The following ERBB2 variants were observed in gnomAD, a reference collection of about 807,000 sequenced individuals.
ERBB2 encodes receptor tyrosine-protein kinase erbB-2.
A neutral mutation model predicts 149.0 loss-of-function variants in ERBB2; 61 were observed. The ratio of observed to expected loss-of-function variants is 0.41; its 90% CI spans 0.33 to 0.51. ERBB2 has a LOEUF of 0.51. Ranked by LOEUF, ERBB2 falls within the 20% of genes least tolerant of loss-of-function variation. The probability of loss-of-function intolerance (pLI) is 0.25; values close to 1 mark genes in which losing one functional copy is unlikely to be tolerated. For missense variants in ERBB2, 1,205 were observed against 1,655.1 expected, an observed-to-expected ratio of 0.73 and a Z score of 4.72; for synonymous variants, 633 against 678.8, an observed-to-expected ratio of 0.93 and a Z score of 1.05.
intron 15 of ERBB2, among the ~76,000 whole-genome samples, chr17:39,718,187 C>T (rs1020737742): frequency 6.6e-6 from 1 of 152,162 alleles, no homozygotes; most frequent in Non-Finnish European, 1.5e-5. Flanking sequence ...CTTTCCAGAA[C>T]CTTGAAATGT....
upstream of ERBB2, chr17:39,694,896 G>C (rs1425092711): frequency 6.6e-6 from 1 of 152,372 alleles, no homozygotes; most frequent in Admixed American, 6.5e-5. Flanking sequence ...GCTTTCAAGG[G>C]ACAAGTATGG....
chr17:39,716,888 T>G (rs2059164203), intron 14 of ERBB2: 5 of 504,018 alleles, frequency 9.9e-6, no homozygotes, highest in Non-Finnish European at 1.8e-5. Context: ...TCAGACTACC[T>G]GGATTCAGAC....
upstream of ERBB2, among the ~76,000 whole-genome samples, chr17:39,695,533 T>G (rs1347918856): frequency 2.0e-5 from 3 of 152,144 alleles, no homozygotes; most frequent in East Asian, 5.8e-4. Context: ...TACAGTCACT[T>G]CCCCAGCAAC....
At chr17:39,703,754 G>T (rs2145337332) in intron 1 of ERBB2, among the ~76,000 whole-genome samples, 1 of 152,360 alleles carries the variant, frequency 6.6e-6, no homozygotes, top group East Asian at 1.9e-4. Flanking sequence ...CCCAGGCCCT[G>T]GTCTGATGTC....
intron 12 of ERBB2, 163 bp from the exon 13 acceptor site, chr17:39,716,138 T>C: frequency 1.0e-6 from 1 of 973,212 alleles, no homozygotes; most frequent in Non-Finnish European, 1.5e-6. Context: ...CATCCTTCCC[T>C]CCCCCTCTGT....
At chr17:39,708,111 C>T (rs1278141467) in intron 2 of ERBB2, 3 of 496,992 alleles carry the variant, frequency 6.0e-6, no homozygotes, top group African/African-American at 5.8e-5. Flanking sequence ...AAATGCCCCC[C>T]CACCATTATC....
upstream of ERBB2, chr17:39,696,801 T>C (rs2145228515): frequency 6.6e-6 from 1 of 152,450 alleles, no homozygotes. Flanking sequence ...CTTTCCTGAC[T>C]GGACTAACCT....
At chr17:39,691,922 C>CATATATAT (rs1171342693), upstream of ERBB2, among the ~76,000 whole-genome samples, 30 of 98,402 alleles carry the variant, frequency 3.0e-4, no homozygotes, top group African/African-American at 9.6e-4. Flanking sequence ...TATACATATA[C>CATATATAT]ATATACATAT....
At position 39,728,364 on chromosome 17, in the gene ERBB2, G is replaced by T. The variant is rs2059892203; in HGVS notation, c.*320G>T. On this transcript the variant is annotated 3_prime_UTR_variant, in exon 27 of 27. Coordinates refer to ENST00000269571, the MANE Select transcript of ERBB2 (RefSeq NM_004448.4). ...AGATCCTGGGTACTGAAAGCCTTAGGGAAGCTGGCCTGAGAGGGGAAGCGG... is the reference window on the plus strand; with the variant it reads ...AGATCCTGGGTACTGAAAGCCTTAGTGAAGCTGGCCTGAGAGGGGAAGCGG... 3.1e-6 allele frequency: 1 copy of T among 321,486 alleles called. No individual in the cohort carries two copies. Among genetic ancestry groups the T allele is most frequent in the African/African-American group, 2.1e-5 (1 of 48,354 alleles). The allele number at this position is 321,486 out of a possible 1,614,324, so 19.9% of individuals were successfully genotyped here.
chr17:39,719,958 G>A (rs1597879751), intron 16 of ERBB2, 124 bp downstream of exon 16: 5 of 870,350 alleles, frequency 5.7e-6, no homozygotes, highest in Non-Finnish European at 9.6e-6. Context: ...CTTCCACTGT[G>A]GAACCTCCTG....
rs193171026 is a variant in ERBB2, at chr17:39,700,281, C to T, written c.43C>T (p.Leu15Phe). 5.7e-4 allele frequency: 820 copies of T among 1,432,762 alleles called. 3 individuals are homozygous for T. Among genetic ancestry groups the T allele is most frequent in the South Asian group, 1.6e-3 (110 of 69,884 alleles). 88.8% of individuals were successfully genotyped at this position (1,432,762 alleles called of 1,614,324 possible). ...GTGCCGCTGGGGGCTCCTCCTCGCC[C>T]TCTTGCCCCCCGGAGCCGCGAGCAC... The part of the protein sequence containing the change: ...ALCRWGLLLA[L>F]LPPGAASTQV... The change falls in exon 1 of 27, where the codon CTC (leucine) becomes TTC (phenylalanine). Residue 15 changes from leucine to phenylalanine, a missense_variant. This residue lies in a region of ERBB2 where 101 missense variants were observed against 95.1 expected (regional missense o/e 1.06). Transcript: ENST00000269571.
At chr17:39,700,050 G>A, upstream of ERBB2, 1 of 1,265,510 alleles carries the variant, frequency 7.9e-7, no homozygotes, top group Non-Finnish European at 9.9e-7. Flanking sequence ...GAATGAAGTT[G>A]TGAAGCTGAG....
chr17:39,691,574 TACACACAC>T (rs1173386743), upstream of ERBB2, among the ~76,000 whole-genome samples: 3 of 122,064 alleles, frequency 2.5e-5, no homozygotes, highest in African/African-American at 4.0e-5. Flanking sequence ...TATATATATA[TACACACAC>T]ACACACACAC....
In ERBB2 at chr17:39,723,755, G is replaced by A. The variant is rs1477718308; in HGVS notation, c.2208+95G>A. On this transcript the variant is annotated intron_variant, in intron 18 of 26. Transcript: ENST00000269571. The surrounding 1 kb of genome is among the most constrained non-coding windows in gnomAD (Gnocchi z 6.2). ...GTTCTGATGGGAGGGGCAAGAGCTG[G>A]AGGCAGTGTTTGGGGGAGGGCAGTT... 6.5e-7 allele frequency: 1 copy of A among 1,537,554 alleles called. No individual in the cohort carries two copies. The highest frequency in any genetic ancestry group is 1.2e-5 in the South Asian group (1 of 84,002).
At position 39,706,997 on chromosome 17, in the gene ERBB2, C is replaced by T. The variant is rs377542789; in HGVS notation, c.81C>T (p.Thr27=). ...PPGAASTQVC[T]GTDMKLRLPA... Reference sequence around the variant, plus strand: ...TCTGCTCTCTCCTGCCAGTGTGCACCGGCACAGACATGAAGCTGCGGCTCC... The same window carrying T: ...TCTGCTCTCTCCTGCCAGTGTGCACTGGCACAGACATGAAGCTGCGGCTCC... Residue 27 remains threonine, a synonymous_variant, in exon 2 of 27, where the codon ACC becomes ACT. Coordinates refer to ENST00000269571, the MANE Select transcript of ERBB2 (RefSeq NM_004448.4). The T allele has an allele frequency of 6.9e-5, 109 of 1,581,926 alleles. No individual in the cohort carries two copies. The highest frequency in any genetic ancestry group is 8.8e-5 in the Non-Finnish European group (102 of 1,163,468).
rs1273513438 is a variant in ERBB2, at chr17:39,716,311, C to A, written c.1524C>A (p.Gly508=). Residue 508 remains glycine (G), a synonymous_variant, in exon 13 of 27, where the codon GGC becomes GGA. Coordinates refer to ENST00000269571, the MANE Select transcript of ERBB2 (RefSeq NM_004448.4). ...TCCTCCTCACTGCAGTGGGCGAGGG[C>A]CTGGCCTGCCACCAGCTGTGCGCCC... ...NRPEDECVGE[G]LACHQLCARG... is the part of the protein sequence containing the mutation. The A allele has an allele frequency of 1.3e-6, 2 of 1,593,788 alleles. No individual in the cohort carries two copies. Among genetic ancestry groups the A allele is most frequent in the Non-Finnish European group, 1.7e-6 (2 of 1,172,142 alleles).
At chr17:39,706,966 G>A (rs1228678057) in intron 1 of ERBB2, 24 bp from the exon 2 acceptor site, 2 of 1,539,220 alleles carry the variant, frequency 1.3e-6, no homozygotes, top group South Asian at 1.3e-5. Context: ...AGTGTCCTCT[G>A]ACCCATCTGC....
At position 39,715,276 on chromosome 17, in the gene ERBB2, A is replaced by AC. The variant is rs766188417; in HGVS notation, c.1149-6dup. On this transcript the variant is annotated splice_polypyrimidine_tract_variant and intron_variant, in intron 9 of 26. Coordinates refer to ENST00000269571, the MANE Select transcript of ERBB2 (RefSeq NM_004448.4). ...CCTGGCCCTGCTGACTCCTCTCCTGACCCCTCCAGGGACCCAGCCTCCAAC... is the reference window on the plus strand; with the variant it reads ...CCTGGCCCTGCTGACTCCTCTCCTGACCCCCTCCAGGGACCCAGCCTCCAAC... 2.0e-5 allele frequency: 32 copies of AC among 1,613,062 alleles called. No individual in the cohort carries two copies. Among genetic ancestry groups the AC allele is most frequent in the Non-Finnish European group, 2.7e-5 (32 of 1,179,552 alleles).
chr17:39,717,202 G>T, intron 14 of ERBB2, 118 bp from the exon 15 acceptor site: 1 of 790,262 alleles, frequency 1.3e-6, no homozygotes. Flanking sequence ...CAGGAGCATG[G>T]CGAAAATTGC....
Sources: gnomAD v4.1 joint callset for allele counts (sites outside exome capture counted in the v4.1 genomes callset) on GRCh38, gnomAD v4.1.1 for gene constraint, gnomAD v4.1.1 regional missense constraint, Gnocchi (gnomAD v3.1) non-coding constraint, MANE v1.5 for transcripts, NCBI Gene and HGNC (gene_info 2026-07-23, HGNC 2026-07-21) for gene names.